NRF1: variants seen among roughly 807,000 people sequenced by gnomAD.
The protein encoded by NRF1 is alpha palindromic-binding protein.
A neutral mutation model predicts 58.5 loss-of-function variants in NRF1; 5 were observed. The ratio of observed to expected loss-of-function variants is 0.09; its 90% confidence interval spans 0.04 to 0.18. NRF1 has a LOEUF of 0.18. NRF1 is among the 10% of genes least tolerant of loss of function. The pLI is 1.00. For synonymous variants in NRF1, 224 were observed against 246.7 expected, an observed-to-expected ratio of 0.91 and a Z score of 0.86; for missense variants, 288 against 657.7, an observed-to-expected ratio of 0.44 and a Z score of 6.15.
Position 129,728,468 on chromosome 7 carries a change from C to CAAAAA in NRF1, c.1348+1125_1348+1129dup, listed in dbSNP as rs60777041. Among the ~76,000 whole-genome samples the CAAAAA allele has an allele frequency of 1.7e-4, 16 of 96,348 alleles. 1 individual carries two copies. Among genetic ancestry groups the CAAAAA allele is most frequent in the African/African-American group, 5.1e-4 (13 of 25,318 alleles). 63.2% of individuals were successfully genotyped at this position (96,348 alleles called of 152,430 possible). On this transcript the variant is annotated intron_variant, in intron 10 of 10. Transcript: ENST00000393232. ...TGGGTGACAGAATGAGACTCCGTCT[C>CAAAAA]AAAAAAAAAAAAAAAAAAAAAAAAA...
chr7:129,683,806 T>C (rs937148591), intron 4 of NRF1, among the ~76,000 whole-genome samples: 1 of 151,322 alleles, frequency 6.6e-6, no homozygotes, highest in African/African-American at 2.4e-5. Context: ...CTAATTTTTG[T>C]ATTTTTACTA....
intron 1 of NRF1, among the ~76,000 whole-genome samples, chr7:129,652,109 G>A (rs1480060388): frequency 6.6e-6 from 1 of 152,160 alleles, no homozygotes; most frequent in Non-Finnish European, 1.5e-5. Context: ...CAGTTACTCA[G>A]AGGAACAAAG....
intron 1 of NRF1, among the ~76,000 whole-genome samples, chr7:129,653,021 A>G (rs923112165): frequency 2.0e-5 from 3 of 152,270 alleles, no homozygotes; most frequent in Admixed American, 6.5e-5. Flanking sequence ...AGTAATGTTA[A>G]GTACATTCAC....
At chr7:129,749,191 G>T (rs1381011486) in intron 10 of NRF1, among the ~76,000 whole-genome samples, 4 of 152,214 alleles carry the variant, frequency 2.6e-5, no homozygotes, top group African/African-American at 4.8e-5. Flanking sequence ...CTAAAGTAGG[G>T]TTATTACAAA....
At chr7:129,749,462 G>T (rs1804061985) in intron 10 of NRF1, among the ~76,000 whole-genome samples, 2 of 151,958 alleles carry the variant, frequency 1.3e-5, no homozygotes, top group Non-Finnish European at 2.9e-5. Context: ...GCCATGTCAG[G>T]CCTCATTGTC....
intron 5 of NRF1, among the ~76,000 whole-genome samples, chr7:129,694,209 G>A (rs1802634131): frequency 6.6e-6 from 1 of 152,144 alleles, no homozygotes; most frequent in Admixed American, 6.6e-5. Context: ...AAATGAGGAG[G>A]AAGAGGGAGC....
intron 1 of NRF1, among the ~76,000 whole-genome samples, chr7:129,653,278 T>A (rs866170108): frequency 3.9e-5 from 6 of 152,354 alleles, no homozygotes; most frequent in Middle Eastern, 6.8e-3. Flanking sequence ...AAATTGGTTT[T>A]AAATAAAACT....
At chr7:129,682,176 A>G (rs541329385) in intron 4 of NRF1, among the ~76,000 whole-genome samples, 5 of 149,894 alleles carry the variant, frequency 3.3e-5, no homozygotes, top group East Asian at 2.0e-4. Context: ...AAAACCCACC[A>G]TGGGGGGGCA....
rs371915342 is a variant in NRF1 at position 129,699,231 on chromosome 7, T to G, written c.606+8685T>G. Among the ~76,000 whole-genome samples the G allele has an allele frequency of 1.8e-4, 27 of 152,360 alleles. No homozygotes were observed. The South Asian group carries it at 5.4e-3, about 30-fold the overall frequency. ...TAGGAAGGAGTTATTCACACGGCTT[T>G]TGAGATGTTTTACTTACAAAACAGT... On this transcript the variant is annotated intron_variant, in intron 5 of 10. Transcript: ENST00000393232.
At chr7:129,694,902 TA>T (rs1049523517) in intron 5 of NRF1, among the ~76,000 whole-genome samples, 25 of 152,322 alleles carry the variant, frequency 1.6e-4, no homozygotes, top group African/African-American at 5.8e-4. Flanking sequence ...GTACATTGTT[TA>T]TTACAGCATG....
chr7:129,737,110 A>G (rs1304201743), intron 10 of NRF1, among the ~76,000 whole-genome samples: 1 of 152,202 alleles, frequency 6.6e-6, no homozygotes, highest in Non-Finnish European at 1.5e-5. Context: ...TTCCTCACAT[A>G]TGTTGGAGTG....
At position 129,657,491 on chromosome 7, in the gene NRF1, C is replaced by T. The variant is rs1281250464; in HGVS notation, c.140C>T (p.Ser47Phe). 5 of 1,613,976 alleles carry T rather than the reference C, an allele frequency of 3.1e-6. No individual in the cohort carries two copies. The highest frequency in any genetic ancestry group is 2.7e-5 in the African/African-American group (2 of 74,884). ...AGTGCTGATGAAGACTCGCCTTCTT[C>T]TCCCGAGGACACCTCTTACGATGAC... ...MLSADEDSPS[S>F]PEDTSYDDSD... Residue 47 changes from serine to phenylalanine, a missense_variant, in exon 2 of 11, where the codon TCT (serine) becomes TTT (phenylalanine). Ser to Phe is a radical substitution (Grantham distance 155). Transcript: ENST00000393232.
At chr7:129,744,470 C>A (rs1389656503) in intron 10 of NRF1, among the ~76,000 whole-genome samples, 1 of 152,084 alleles carries the variant, frequency 6.6e-6, no homozygotes, top group Non-Finnish European at 1.5e-5. Flanking sequence ...GGTCTTACTA[C>A]ATTACCCAGG....
At chr7:129,653,221 C>T (rs1174280753) in intron 1 of NRF1, among the ~76,000 whole-genome samples, 1 of 152,210 alleles carries the variant, frequency 6.6e-6, no homozygotes, top group Non-Finnish European at 1.5e-5. Context: ...AGAATATCCT[C>T]AAGGTTGATC....
At chr7:129,745,444 C>T (rs1386515787) in intron 10 of NRF1, among the ~76,000 whole-genome samples, 4 of 151,844 alleles carry the variant, frequency 2.6e-5, no homozygotes, top group Admixed American at 6.6e-5. Context: ...CATAGGAGCA[C>T]GAACCTATTG....
At chr7:129,647,042 C>CTT (rs930087052) in intron 1 of NRF1, among the ~76,000 whole-genome samples, 5 of 152,124 alleles carry the variant, frequency 3.3e-5, no homozygotes, top group African/African-American at 1.2e-4. Context: ...ATTTTCTTTT[C>CTT]TTTTTTTCTT....
intron 3 of NRF1, among the ~76,000 whole-genome samples, chr7:129,672,664 G>A (rs902735745): frequency 1.3e-4 from 20 of 152,172 alleles, no homozygotes; most frequent in African/African-American, 4.8e-4. Flanking sequence ...TTGAGAGAAA[G>A]GAGTGCTGGG....
At chr7:129,646,010 C>T (rs898231154) in intron 1 of NRF1, among the ~76,000 whole-genome samples, 5 of 152,088 alleles carry the variant, frequency 3.3e-5, no homozygotes, top group East Asian at 1.9e-4. Flanking sequence ...CCACCACACC[C>T]GGCTGATTTT....
chr7:129,664,265 C>A (rs1434197988), intron 2 of NRF1, among the ~76,000 whole-genome samples: 1 of 152,116 alleles, frequency 6.6e-6, no homozygotes, highest in Non-Finnish European at 1.5e-5. Flanking sequence ...CTTTCACTTT[C>A]CTGTTTACAT....
Sources: allele counts gnomAD v4.1 joint callset (sites outside exome capture counted in the v4.1 genomes callset), GRCh38; gene constraint gnomAD v4.1.1; transcripts MANE v1.5; gene names NCBI Gene and HGNC (gene_info 2026-07-23, HGNC 2026-07-21).